Variants in WDR49 observed in about 807,000 individuals in gnomAD.
WDR49 encodes cilia- and flagella-associated protein 337.
WDR49 carries 107 observed loss-of-function variants against 119.5 expected under a neutral mutation model. That is an observed-to-expected ratio of 0.90 (90% CI 0.77 to 1.05). The LOEUF (loss-of-function observed/expected upper bound fraction) is 1.05, where lower values mean the gene tolerates loss of function less well. Ranked by LOEUF, WDR49 falls within the 50% of genes least tolerant of loss-of-function variation. WDR49 has a pLI of 0.00. For missense variants in WDR49, 1,240 were observed against 1,220.5 expected, an observed-to-expected ratio of 1.02 and a Z score of -0.24; for synonymous variants, 425 against 418.8, an observed-to-expected ratio of 1.01 and a Z score of -0.18.
At chr3:167,592,110 T>G (rs924555231) in intron 7 of WDR49, among the ~76,000 whole-genome samples, 1 of 152,184 alleles carries the variant, frequency 6.6e-6, no homozygotes, top group Non-Finnish European at 1.5e-5. Context: ...AAATACTATC[T>G]TATAATCCGT....
intron 8 of WDR49, among the ~76,000 whole-genome samples, chr3:167,561,352 G>C (rs1713262043): frequency 6.6e-6 from 1 of 151,860 alleles, no homozygotes; most frequent in Non-Finnish European, 1.5e-5. Flanking sequence ...AAACCACCTG[G>C]GGAACTTTAA....
chr3:167,657,462 C>T (rs1301672936), upstream of WDR49, among the ~76,000 whole-genome samples: 1 of 152,106 alleles, frequency 6.6e-6, no homozygotes, highest in Non-Finnish European at 1.5e-5. Context: ...TCTATGCCCA[C>T]CATTGCTCAG....
chr3:167,571,900 T>G (rs1713958370), intron 8 of WDR49, among the ~76,000 whole-genome samples: 1 of 152,222 alleles, frequency 6.6e-6, no homozygotes, highest in Non-Finnish European at 1.5e-5. Flanking sequence ...ATTATAAATG[T>G]GTCCAAGGTT....
At chr3:167,621,424 T>A in intron 4 of WDR49, 43 bp downstream of exon 4, 1 of 1,420,756 alleles carries the variant, frequency 7.0e-7, no homozygotes, top group South Asian at 1.6e-5. Context: ...TACAGTTTGA[T>A]GATTAAATCC....
At chr3:167,654,373 G>A (rs1171998815), upstream of WDR49, among the ~76,000 whole-genome samples, 1 of 151,912 alleles carries the variant, frequency 6.6e-6, no homozygotes. Context: ...TTGAAAATGT[G>A]ATAAAAAAAC....
rs569104194 is a variant in WDR49 at position 167,480,615 on chromosome 3, A to T, written c.3032-1619T>A. On this transcript the variant is annotated intron_variant, in intron 18 of 18. Coordinates refer to ENST00000682715, the MANE Select transcript of WDR49 (RefSeq NM_001366157.1). ...ATATGAAAGCAACCAGGAAAATTAC[A>T]GATAATAACTTTGCAAATAAATTCT... 2.8e-4 allele frequency among the ~76,000 whole-genome samples: 42 copies of T among 152,340 alleles called. No individual in the cohort carries two copies. In the South Asian group the frequency reaches 7.0e-3, roughly 26 times the overall value.
chr3:167,591,948 G>C (rs545400687), intron 7 of WDR49, among the ~76,000 whole-genome samples: 1 of 151,924 alleles, frequency 6.6e-6, no homozygotes, highest in Non-Finnish European at 1.5e-5. Context: ...TTGTTTTCTG[G>C]TTGTCTTCTG....
chr3:167,536,505 C>A (rs1051867510), intron 11 of WDR49, among the ~76,000 whole-genome samples: 2 of 151,460 alleles, frequency 1.3e-5, no homozygotes, highest in Admixed American at 6.6e-5. Flanking sequence ...ATGGCAAAAA[C>A]CCATCTCTAC....
rs760614422 is a variant in WDR49 at position 167,529,104 on chromosome 3, C to T, written c.2354G>A (p.Arg785Gln). Residue 785 changes from arginine (R) to glutamine (Q), a missense_variant, in exon 14 of 19, where the codon CGA becomes CAA. Arg to Gln is a conservative substitution (Grantham distance 43). Transcript: ENST00000682715. ...SIIMSTDKMN[R>Q]YLTTGDLDGW... is the part of the protein sequence containing the mutation. Reference sequence around the variant, plus strand: ...ATCAAGATCTCCTGTGGTAAGGTATCGATTCATCTTATCAGTAGACATAAT... The same window carrying T: ...ATCAAGATCTCCTGTGGTAAGGTATTGATTCATCTTATCAGTAGACATAAT... The T allele has an allele frequency of 5.6e-6, 9 of 1,606,996 alleles. No homozygotes were observed. Among genetic ancestry groups the T allele is most frequent in the East Asian group, 4.5e-5 (2 of 44,678 alleles).
intron 16 of WDR49, among the ~76,000 whole-genome samples, chr3:167,517,038 A>T (rs575099076): frequency 6.6e-6 from 1 of 152,334 alleles, no homozygotes; most frequent in African/African-American, 2.4e-5. Context: ...CACTAGTTAG[A>T]ATGGTGAGCA....
At chr3:167,560,784 T>TAAA (rs60448205) in intron 8 of WDR49, among the ~76,000 whole-genome samples, 69 of 135,702 alleles carry the variant, frequency 5.1e-4, no homozygotes, top group African/African-American at 1.5e-3. Context: ...GATAGATTAC[T>TAAA]AAAAAAAAAA....
At chr3:167,525,760 T>C (rs1752607098) in intron 15 of WDR49, among the ~76,000 whole-genome samples, 1 of 152,070 alleles carries the variant, frequency 6.6e-6, no homozygotes, top group African/African-American at 2.4e-5. Context: ...ACCATACAAC[T>C]TACTTTTAAA....
intron 18 of WDR49, among the ~76,000 whole-genome samples, chr3:167,494,975 A>G (rs1343626125): frequency 1.3e-5 from 2 of 152,202 alleles, no homozygotes; most frequent in South Asian, 2.1e-4. Flanking sequence ...CTCAAGTACT[A>G]ATTAGATTAA....
At chr3:167,536,698 T>TAC (rs1177708077) in intron 11 of WDR49, among the ~76,000 whole-genome samples, 172 bp downstream of exon 11, 1 of 121,050 alleles carries the variant, frequency 8.3e-6, no homozygotes, top group African/African-American at 3.7e-5. Flanking sequence ...TATATATATA[T>TAC]ATATATACAC....
At chr3:167,647,745 T>C (rs543683656) in intron 2 of WDR49, among the ~76,000 whole-genome samples, 16 of 152,310 alleles carry the variant, frequency 1.1e-4, no homozygotes, top group African/African-American at 2.9e-4. Flanking sequence ...TTTTACTATA[T>C]ACAGGTGAGA....
chr3:167,507,905 A>T (rs1751836092), intron 16 of WDR49, among the ~76,000 whole-genome samples: 1 of 152,214 alleles, frequency 6.6e-6, no homozygotes, highest in African/African-American at 2.4e-5. Flanking sequence ...GGAAAAAGGC[A>T]AATATTCTCA....
At chr3:167,596,100 C>A (rs1319176187) in intron 7 of WDR49, among the ~76,000 whole-genome samples, 2,583 of 148,816 alleles carry the variant, frequency 0.017, 59 homozygotes, top group African/African-American at 0.055. Flanking sequence ...ATTTATGCAG[C>A]CAAAAAACAC....
intron 5 of WDR49, among the ~76,000 whole-genome samples, chr3:167,610,211 G>T (rs753513176): frequency 1.3e-5 from 2 of 151,914 alleles, no homozygotes; most frequent in African/African-American, 2.4e-5. Context: ...TGGCCACAGG[G>T]GTGTAGAGTA....
chr3:167,573,136 C>G (rs1714031375), intron 8 of WDR49, among the ~76,000 whole-genome samples: 1 of 152,112 alleles, frequency 6.6e-6, no homozygotes. Context: ...GCATGGGAGA[C>G]AAGAGGACAC....
Sources: allele counts gnomAD v4.1 joint callset (sites outside exome capture counted in the v4.1 genomes callset), GRCh38; gene constraint gnomAD v4.1.1; transcripts MANE v1.5; gene names NCBI Gene and HGNC (gene_info 2026-07-23, HGNC 2026-07-21).